The following NBEAL1 variants were observed in gnomAD, a reference collection of about 807,000 sequenced individuals.
NBEAL1 encodes the protein neurobeachin like 1, also known as neurobeachin-like protein 1.
In NBEAL1, 273 loss-of-function variants were observed where a neutral mutation model predicts 351.3. That is an observed-to-expected ratio of 0.78 (90% CI 0.70 to 0.86). NBEAL1 has a LOEUF of 0.86. Ranked by LOEUF, NBEAL1 falls within the 40% of genes least tolerant of loss-of-function variation. NBEAL1 has a pLI of 0.00. For synonymous variants in NBEAL1, 1,050 were observed against 1,086.4 expected (o/e 0.97, Z 0.66); for missense variants, 2,961 against 3,201.3 (o/e 0.92, Z 1.81).
At chr2:203,027,285 G>A (rs1373373683) in intron 2 of NBEAL1, among the ~76,000 whole-genome samples, 1 of 152,096 alleles carries the variant, frequency 6.6e-6, no homozygotes, top group African/African-American at 2.4e-5. Flanking sequence ...TTTCATTAAT[G>A]GAAATGAGCT....
At chr2:203,076,757 A>T (rs532178001) in intron 7 of NBEAL1, among the ~76,000 whole-genome samples, 1 of 151,758 alleles carries the variant, frequency 6.6e-6, no homozygotes, top group African/African-American at 2.4e-5. Flanking sequence ...ACACCTGGCT[A>T]ATTTTTGCAT....
At chr2:203,080,276 G>T (rs2061849482) in intron 8 of NBEAL1, among the ~76,000 whole-genome samples, 1 of 152,080 alleles carries the variant, frequency 6.6e-6, no homozygotes, top group Admixed American at 6.5e-5. Flanking sequence ...GCCGGGCATG[G>T]TGGTGGGCGC....
At chr2:203,017,346 G>A (rs1003537565) in intron 2 of NBEAL1, among the ~76,000 whole-genome samples, 1 of 152,106 alleles carries the variant, frequency 6.6e-6, no homozygotes, top group Non-Finnish European at 1.5e-5. Context: ...TTATTTAACA[G>A]TGGTCTCATT....
rs536041797 is a variant in NBEAL1, at chr2:203,191,616, A to G, written c.6921+1227A>G. ...TTGTTAGGTACTTTACCTAATCTTC[A>G]TAGTAAAAATTCAGCTATCCTCATT... On this transcript the variant is annotated intron_variant, in intron 46 of 55. Transcript: ENST00000683969. 4.6e-5 allele frequency among the ~76,000 whole-genome samples: 7 copies of G among 152,350 alleles called. No homozygotes were observed. In the South Asian group the frequency reaches 8.3e-4, roughly 18 times the overall value.
In NBEAL1 at chr2:203,151,600, A is replaced by G; in HGVS notation, c.5587+11A>G. The G allele has an allele frequency of 6.3e-7, 1 of 1,586,672 alleles. No homozygotes were observed. The highest frequency in any genetic ancestry group is 8.5e-7 in the Non-Finnish European group (1 of 1,170,128). ...TGAGAGATAATCTGGGTGAGTTCCA[A>G]TGACTGTTTAATTGTTTGTTGAAGA... On this transcript the variant is annotated intron_variant, in intron 35 of 55. Coordinates refer to ENST00000683969, the MANE Select transcript of NBEAL1 (RefSeq NM_001378026.1).
chr2:203,139,016 TTGAA>T (rs1474215937), intron 31 of NBEAL1, among the ~76,000 whole-genome samples: 1 of 152,194 alleles, frequency 6.6e-6, no homozygotes, highest in Non-Finnish European at 1.5e-5. Context: ...ATCATCTGTA[TTGAA>T]TGTAACTACT....
At position 203,175,347 on chromosome 2, in the gene NBEAL1, C is replaced by T. The variant is rs567666074; in HGVS notation, c.6464+60C>T. ...CTATGTTAGTGTTGAAAACTGTTTG[C>T]CTTCATGTCATGTACTGTGTAACAT... On this transcript the variant is annotated intron_variant, in intron 42 of 55. Transcript: ENST00000683969. The T allele has an allele frequency of 1.0e-3, 1,539 of 1,544,514 alleles. 15 individuals carry two copies. The Middle Eastern group carries it at 0.011, about 11-fold the overall frequency.
intron 49 of NBEAL1, among the ~76,000 whole-genome samples, chr2:203,200,783 T>C (rs955803993): frequency 2.0e-5 from 3 of 152,242 alleles, no homozygotes; most frequent in Non-Finnish European, 4.4e-5. Flanking sequence ...TTTAAAATGA[T>C]ATAATTGTTA....
intron 34 of NBEAL1, 112 bp downstream of exon 34, chr2:203,149,260 AG>A (rs1290544301): frequency 2.9e-6 from 2 of 700,512 alleles, no homozygotes; most frequent in Non-Finnish European, 2.3e-6. Context: ...AATTCATAAA[AG>A]GGTGCTTTTA....
At chr2:203,087,379 C>T (rs2106176777) in intron 10 of NBEAL1, among the ~76,000 whole-genome samples, 1 of 152,282 alleles carries the variant, frequency 6.6e-6, no homozygotes, top group South Asian at 2.1e-4. Flanking sequence ...GCGTGAGCCA[C>T]CGAGCCCGGC....
chr2:203,090,802 T>G (rs1415402139), intron 10 of NBEAL1, among the ~76,000 whole-genome samples: 1 of 151,956 alleles, frequency 6.6e-6, no homozygotes, highest in Non-Finnish European at 1.5e-5. Context: ...GGCAAGAGAA[T>G]TGCTTGAACC....
intron 10 of NBEAL1, among the ~76,000 whole-genome samples, chr2:203,092,137 T>C (rs1295604369): frequency 2.6e-5 from 4 of 152,160 alleles, no homozygotes; most frequent in African/African-American, 9.7e-5. Flanking sequence ...TAAAAACAAG[T>C]TGTAACTCAT....
intron 39 of NBEAL1, among the ~76,000 whole-genome samples, chr2:203,171,375 C>T (rs538356531): frequency 2.0e-4 from 31 of 152,222 alleles, no homozygotes; most frequent in African/African-American, 6.7e-4. Flanking sequence ...GAGGTCAAGC[C>T]AGGAGCATCA....
chr2:203,018,121 T>C (rs2060710112), intron 2 of NBEAL1, among the ~76,000 whole-genome samples: 1 of 152,100 alleles, frequency 6.6e-6, no homozygotes, highest in Non-Finnish European at 1.5e-5. Flanking sequence ...CAAATATACC[T>C]CATAGATTTA....
intron 7 of NBEAL1, among the ~76,000 whole-genome samples, chr2:203,070,856 C>T (rs547396839): frequency 6.6e-6 from 1 of 152,278 alleles, no homozygotes; most frequent in Non-Finnish European, 1.5e-5. Flanking sequence ...GGCCCCACCT[C>T]CAACACTGGG....
chr2:203,194,306 T>C (rs1281080525), intron 47 of NBEAL1, among the ~76,000 whole-genome samples: 1 of 152,196 alleles, frequency 6.6e-6, no homozygotes, highest in Non-Finnish European at 1.5e-5. Flanking sequence ...ATGAGTAGTC[T>C]AGTAAAACAG....
intron 33 of NBEAL1, among the ~76,000 whole-genome samples, chr2:203,146,595 C>T (rs958489073): frequency 6.6e-6 from 1 of 152,062 alleles, no homozygotes; most frequent in African/African-American, 2.4e-5. Flanking sequence ...GAGTTCGACA[C>T]CAGCCTTGGT....
intron 49 of NBEAL1, among the ~76,000 whole-genome samples, chr2:203,200,778 AATGAT>A (rs2065375747): frequency 6.6e-6 from 1 of 152,238 alleles, no homozygotes. Flanking sequence ...AACTATTTAA[AATGAT>A]ATAATTGTTA....
chr2:203,188,986 T>C (rs1414769085), intron 45 of NBEAL1, among the ~76,000 whole-genome samples: 1 of 152,250 alleles, frequency 6.6e-6, no homozygotes, highest in Non-Finnish European at 1.5e-5. Flanking sequence ...GGCCTTAAAA[T>C]GATTTTTAAA....
Sources: allele counts gnomAD v4.1 joint callset (sites outside exome capture counted in the v4.1 genomes callset), GRCh38; gene constraint gnomAD v4.1.1; transcripts MANE v1.5; gene names NCBI Gene and HGNC (gene_info 2026-07-23, HGNC 2026-07-21).